The following PAPPA2 variants were observed in gnomAD, a reference collection of about 807,000 sequenced individuals.
The protein encoded by PAPPA2 is pappalysin-2.
PAPPA2 carries 86 observed loss-of-function variants against 176.4 expected under a neutral mutation model. The observed-to-expected ratio is 0.49, with a 90% CI of 0.41 to 0.58. The LOEUF (loss-of-function observed/expected upper bound fraction) is 0.58. Ranked by LOEUF, PAPPA2 falls within the 20% of genes least tolerant of loss-of-function variation. The pLI is 0.00. For missense variants in PAPPA2, 2,073 were observed against 2,256.9 expected, an observed-to-expected ratio of 0.92 and a Z score of 1.65; for synonymous variants, 809 against 852.2, an observed-to-expected ratio of 0.95 and a Z score of 0.88.
At chr1:176,779,525 GA>G (rs1664621776) in intron 17 of PAPPA2, among the ~76,000 whole-genome samples, 2 of 146,632 alleles carry the variant, frequency 1.4e-5, no homozygotes, top group African/African-American at 5.2e-5. Flanking sequence ...CACACAGAGA[GA>G]GAGAGAGAGA....
intron 2 of PAPPA2, among the ~76,000 whole-genome samples, chr1:176,565,574 G>A (rs989381015): frequency 2.6e-5 from 4 of 152,088 alleles, no homozygotes; most frequent in African/African-American, 4.8e-5. Flanking sequence ...ATGCACCTGC[G>A]GTCCCAGCTA....
At chr1:176,761,741 AT>A (rs1663709150) in intron 14 of PAPPA2, among the ~76,000 whole-genome samples, 1 of 152,036 alleles carries the variant, frequency 6.6e-6, no homozygotes, top group African/African-American at 2.4e-5. Flanking sequence ...CAGCCTGAGG[AT>A]TTTCCTCTGA....
intron 17 of PAPPA2, among the ~76,000 whole-genome samples, chr1:176,781,561 G>C (rs1212512046): frequency 6.6e-6 from 1 of 151,728 alleles, no homozygotes; most frequent in African/African-American, 2.4e-5. Flanking sequence ...AAGTCTGCTT[G>C]CTCCCTATTT....
intron 2 of PAPPA2, among the ~76,000 whole-genome samples, chr1:176,565,688 C>A (rs775366404): frequency 6.6e-6 from 1 of 152,148 alleles, no homozygotes; most frequent in African/African-American, 2.4e-5. Context: ...AGAATGAGAA[C>A]CTGTCTCAAT....
At chr1:176,572,378 A>G (rs1256452657) in intron 2 of PAPPA2, among the ~76,000 whole-genome samples, 1 of 152,192 alleles carries the variant, frequency 6.6e-6, no homozygotes, top group Admixed American at 6.5e-5. Context: ...AGCTTTACAC[A>G]TCCTCTTTGA....
chr1:176,708,455 A>G (rs1233242934), intron 10 of PAPPA2, among the ~76,000 whole-genome samples: 2 of 152,060 alleles, frequency 1.3e-5, no homozygotes, highest in African/African-American at 2.4e-5. Context: ...CGTGCTTAAA[A>G]AAATAGAGAC....
intron 3 of PAPPA2, among the ~76,000 whole-genome samples, chr1:176,663,410 A>G (rs571133199): frequency 2.6e-5 from 4 of 152,194 alleles, no homozygotes; most frequent in African/African-American, 9.6e-5. Context: ...TTGCTTTCCT[A>G]CATTATGACT....
chr1:176,669,415 A>C (rs1032842008), intron 3 of PAPPA2, among the ~76,000 whole-genome samples: 3 of 152,120 alleles, frequency 2.0e-5, no homozygotes, highest in Non-Finnish European at 4.4e-5. Context: ...CCATCAATTT[A>C]TCAATAAAGG....
intron 14 of PAPPA2, among the ~76,000 whole-genome samples, chr1:176,742,769 A>G (rs1662742992): frequency 6.6e-6 from 1 of 152,100 alleles, no homozygotes; most frequent in Admixed American, 6.6e-5. Context: ...ACGATATAAA[A>G]CCCTCAAATT....
intron 21 of PAPPA2, among the ~76,000 whole-genome samples, chr1:176,805,993 A>C (rs1307047221): frequency 7.0e-6 from 1 of 142,154 alleles, no homozygotes; most frequent in Non-Finnish European, 1.5e-5. Context: ...GTCTCTCTCA[A>C]AAAAAAAAAA....
In PAPPA2 at chr1:176,699,161, C is replaced by T. The variant is rs776925998; in HGVS notation, c.2808C>T (p.His936=). 18 of 1,614,002 alleles carry T rather than the reference C, an allele frequency of 1.1e-5. 1 individual carries two copies. In the East Asian group the frequency reaches 2.7e-4, roughly 24 times the overall value. Residue 936 remains histidine (H), a synonymous_variant, in exon 8 of 23, where the codon CAC becomes CAT. Coordinates refer to ENST00000367662, the MANE Select transcript of PAPPA2 (RefSeq NM_020318.3). ...PSLQAWSPEV[H]LYHMNMTVPC... The stretch of plus-strand genomic sequence containing the variant: ...TACAGGCCTGGAGCCCTGAGGTCCA[C>T]CTGTACCACATGAACATGACGGTCC...
At chr1:176,465,824 T>C (rs1011181181) in intron 1 of PAPPA2, among the ~76,000 whole-genome samples, 2 of 152,094 alleles carry the variant, frequency 1.3e-5, no homozygotes, top group African/African-American at 4.8e-5. Context: ...TAGGCCCCAG[T>C]GTGTGTTGTT....
At chr1:176,796,755 T>G (rs1304058740) in intron 20 of PAPPA2, among the ~76,000 whole-genome samples, 2 of 151,014 alleles carry the variant, frequency 1.3e-5, no homozygotes, top group Non-Finnish European at 3.0e-5. Context: ...CTCTCTCTTT[T>G]CCTTCTCTTT....
At chr1:176,622,172 A>G (rs1655635287) in intron 3 of PAPPA2, among the ~76,000 whole-genome samples, 1 of 152,194 alleles carries the variant, frequency 6.6e-6, no homozygotes, top group Admixed American at 6.5e-5. Flanking sequence ...GGCAACATTT[A>G]CACTGAGTTT....
At chr1:176,721,119 G>A (rs1291062472) in intron 12 of PAPPA2, among the ~76,000 whole-genome samples, 1 of 151,962 alleles carries the variant, frequency 6.6e-6, no homozygotes, top group Non-Finnish European at 1.5e-5. Context: ...TGCTTTACCA[G>A]CCATCAAGGC....
intron 21 of PAPPA2, among the ~76,000 whole-genome samples, chr1:176,805,469 G>A (rs764764999): frequency 2.6e-5 from 4 of 152,184 alleles, no homozygotes; most frequent in Non-Finnish European, 5.9e-5. Flanking sequence ...GACAGAGGCC[G>A]AGTGATGTCA....
intron 8 of PAPPA2, 73 bp from the exon 9 acceptor site, chr1:176,702,533 GA>G: frequency 6.3e-7 from 1 of 1,579,244 alleles, no homozygotes; most frequent in Non-Finnish European, 8.6e-7. Context: ...CAACTTCTGT[GA>G]ACCATCAACA....
At position 176,793,617 on chromosome 1, in the gene PAPPA2, A is replaced by G; in HGVS notation, c.5078A>G (p.Glu1693Gly). 1.2e-6 allele frequency: 2 copies of G among 1,613,314 alleles called. No individual in the cohort carries two copies. The highest frequency in any genetic ancestry group is 1.7e-6 in the Non-Finnish European group (2 of 1,179,456). Residue 1693 changes from glutamate to glycine, a missense_variant, in exon 20 of 23, where the codon GAG becomes GGG. Glu to Gly is a moderately conservative substitution (Grantham distance 98, BLOSUM62 -2). Coordinates refer to ENST00000367662, the MANE Select transcript of PAPPA2 (RefSeq NM_020318.3). The part of the protein sequence containing the change: ...IPPSDPVMLP[E>G]NITADTLEHW... ...CCCAGTGACCCCGTGATGCTACCTGAGAATATCACTGCTGACACTCTGGAG... is the reference window on the plus strand; with the variant it reads ...CCCAGTGACCCCGTGATGCTACCTGGGAATATCACTGCTGACACTCTGGAG...
chr1:176,666,732 G>A (rs1464242171), intron 3 of PAPPA2, among the ~76,000 whole-genome samples: 1 of 151,844 alleles, frequency 6.6e-6, no homozygotes, highest in African/African-American at 2.4e-5. Context: ...ATGAAGATAG[G>A]AAATTGAGGT....
Sources: gnomAD v4.1 joint callset for allele counts (sites outside exome capture counted in the v4.1 genomes callset) on GRCh38, gnomAD v4.1.1 for gene constraint, MANE v1.5 for transcripts, NCBI Gene and HGNC (gene_info 2026-07-23, HGNC 2026-07-21) for gene names.